LONP2: variants seen among roughly 807,000 people sequenced by gnomAD.
LONP2 encodes lon protease homolog 2, peroxisomal.
In LONP2, 60 loss-of-function variants were observed where a neutral mutation model predicts 85.6. The observed-to-expected ratio is 0.70, with a 90% CI of 0.57 to 0.87. The LOEUF is 0.87. Among genes scored for constraint, LONP2 ranks in the 40% least tolerant of loss-of-function variants. LONP2 has a pLI of 0.00. For missense variants in LONP2, 860 were observed against 1,063.5 expected (o/e 0.81, Z 2.66); for synonymous variants, 395 against 389.7 (o/e 1.01, Z -0.16).
rs755388188 is a variant in LONP2 at position 48,277,523 on chromosome 16, T to C, written c.1383+44T>C. 8 of 1,588,558 alleles carry C rather than the reference T, an allele frequency of 5.0e-6. No individual in the cohort carries two copies. The African/African-American group carries it at 8.1e-5, about 16-fold the overall frequency. On this transcript the variant is annotated intron_variant, in intron 8 of 14. Transcript: ENST00000285737. ...CCTGTCTGTCTTCATACTGGAAGAG[T>C]ATGGAGGAGGGTTGATAATCATATT...
intron 6 of LONP2, among the ~76,000 whole-genome samples, chr16:48,267,661 G>A (rs948975078): frequency 2.0e-5 from 3 of 150,842 alleles, no homozygotes; most frequent in African/African-American, 7.3e-5. Context: ...TGTCGGCCAG[G>A]CTGTAGTGCA....
In LONP2 at chr16:48,354,256, GCACTGCAGTGGCATGATCTCGGCT is replaced by G. The variant is rs1216434683; in HGVS notation, c.*2462_*2485del. 1.7e-5 allele frequency: 2 copies of G among 119,984 alleles called. No individual in the cohort carries two copies. The highest frequency in any genetic ancestry group is 3.2e-5 in the Non-Finnish European group (2 of 63,172). The allele number at this position is 119,984 out of a possible 1,614,324, so 7.4% of individuals were successfully genotyped here. Reference sequence around the variant, plus strand: ...GGAGTCTTGCTCTGTTACCCAGGCTGCACTGCAGTGGCATGATCTCGGCTCACTGCAACCTCTGCCTCCCCAGTT... The same window carrying G: ...GGAGTCTTGCTCTGTTACCCAGGCTGCACTGCAACCTCTGCCTCCCCAGTT... On this transcript the variant is annotated 3_prime_UTR_variant, in exon 15 of 15. Transcript: ENST00000285737.
At chr16:48,296,304 A>C in intron 9 of LONP2, 139 bp downstream of exon 9, 2 of 922,070 alleles carry the variant, frequency 2.2e-6, no homozygotes, top group Non-Finnish European at 3.2e-6. Context: ...ATGTATATAA[A>C]TCAGTTTCTA....
intron 11 of LONP2, among the ~76,000 whole-genome samples, chr16:48,328,406 G>A (rs748890915): frequency 1.3e-5 from 2 of 149,192 alleles, no homozygotes; most frequent in South Asian, 2.2e-4. Context: ...TGGGCCGGGC[G>A]CAGTGGCTCA....
intron 12 of LONP2, among the ~76,000 whole-genome samples, chr16:48,338,867 C>T (rs902885543): frequency 2.0e-5 from 3 of 152,098 alleles, no homozygotes; most frequent in African/African-American, 7.2e-5. Context: ...AAGATCACGC[C>T]ACTGCATTCC....
chr16:48,259,700 G>A (rs1971836127), intron 4 of LONP2, among the ~76,000 whole-genome samples: 1 of 152,222 alleles, frequency 6.6e-6, no homozygotes, highest in East Asian at 1.9e-4. Context: ...CAAGTAGGCT[G>A]AGGAGAGAGA....
chr16:48,250,605 C>T (rs1473948252), intron 1 of LONP2, among the ~76,000 whole-genome samples: 1 of 152,188 alleles, frequency 6.6e-6, no homozygotes, highest in Non-Finnish European at 1.5e-5. Flanking sequence ...CTTTCTGGTT[C>T]CTCCTTGGTT....
chr16:48,321,027 G>A (rs752630578), intron 11 of LONP2, among the ~76,000 whole-genome samples: 17 of 152,072 alleles, frequency 1.1e-4, no homozygotes, highest in African/African-American at 1.9e-4. Flanking sequence ...TCCACCTCAC[G>A]GGCTTAAGCT....
downstream of LONP2, among the ~76,000 whole-genome samples, chr16:48,358,924 G>T (rs1960472557): frequency 6.6e-6 from 1 of 152,130 alleles, no homozygotes; most frequent in African/African-American, 2.4e-5. Flanking sequence ...AAGTCTACAT[G>T]AACTTTATAA....
At chr16:48,246,944 C>T (rs1971420299) in intron 1 of LONP2, among the ~76,000 whole-genome samples, 1 of 87,910 alleles carries the variant, frequency 1.1e-5, no homozygotes, top group Non-Finnish European at 2.2e-5. Context: ...AAAGTAATCA[C>T]TAATAATCAG....
chr16:48,266,256 C>T (rs527305101), intron 6 of LONP2, among the ~76,000 whole-genome samples: 32 of 151,902 alleles, frequency 2.1e-4, no homozygotes, highest in Admixed American at 3.9e-4. Context: ...CCACCTGCCT[C>T]GGCCTCCCAA....
chr16:48,278,027 GT>G (rs1241708426), intron 8 of LONP2, among the ~76,000 whole-genome samples: 1 of 146,280 alleles, frequency 6.8e-6, no homozygotes, highest in African/African-American at 2.7e-5. Context: ...TTTTTTTCTT[GT>G]TTTTTTGTTG....
rs932181688 is a variant in LONP2 at position 48,355,566 on chromosome 16, T to C, written c.*3764T>C. 4 of 152,190 alleles carry C rather than the reference T, an allele frequency of 2.6e-5. No homozygotes were observed. Among genetic ancestry groups the C allele is most frequent in the Non-Finnish European group, 5.9e-5 (4 of 68,034 alleles). 9.4% of individuals were successfully genotyped at this position (152,190 alleles called of 1,614,324 possible). ...GACTAAGACAACAGGATAATTCTGT[T>C]TAACTTTTTGAGAACTGCCAAACTT... On this transcript the variant is annotated 3_prime_UTR_variant, in exon 15 of 15. Coordinates refer to ENST00000285737, the MANE Select transcript of LONP2 (RefSeq NM_031490.5).
At chr16:48,246,471 T>C (rs940304376) in intron 1 of LONP2, among the ~76,000 whole-genome samples, 1 of 152,252 alleles carries the variant, frequency 6.6e-6, no homozygotes, top group East Asian at 1.9e-4. Context: ...TGATTAGCCA[T>C]GGGCACATTG....
chr16:48,271,796 G>A (rs1972111809), intron 7 of LONP2, among the ~76,000 whole-genome samples: 1 of 152,180 alleles, frequency 6.6e-6, no homozygotes, highest in South Asian at 2.1e-4. Flanking sequence ...GCAGATCAGA[G>A]TAGAGAATTG....
chr16:48,282,140 G>T (rs956395294), intron 8 of LONP2, among the ~76,000 whole-genome samples: 1 of 152,086 alleles, frequency 6.6e-6, no homozygotes, highest in African/African-American at 2.4e-5. Flanking sequence ...CAGGCACAGT[G>T]GCTCACGCCT....
intron 12 of LONP2, among the ~76,000 whole-genome samples, chr16:48,341,050 C>T (rs1036597170): frequency 6.6e-6 from 1 of 152,154 alleles, no homozygotes. Context: ...ACCTGTAATC[C>T]CAGCACTTTG....
intron 14 of LONP2, among the ~76,000 whole-genome samples, 165 bp downstream of exon 14, chr16:48,348,455 TAAAAG>T (rs1191607782): frequency 2.0e-5 from 3 of 149,646 alleles, no homozygotes; most frequent in South Asian, 2.1e-4. Context: ...TTTGATCAAA[TAAAAG>T]AAAAACTGAC....
Position 48,296,055 on chromosome 16 carries a change from A to T in LONP2, c.1424A>T (p.Tyr475Phe), listed in dbSNP as rs764602369. The T allele has an allele frequency of 1.9e-6, 3 of 1,614,038 alleles. No individual in the cohort carries two copies. Among genetic ancestry groups the T allele is most frequent in the African/African-American group, 2.7e-5 (2 of 74,926 alleles). ...CAAAACCATAACTTCACAGATCATT[A>T]TCTAAATGTGGCCTTTGACCTTTCT... ...PEQNHNFTDH[Y>F]LNVAFDLSQV... is the part of the protein sequence containing the mutation. Residue 475 changes from tyrosine to phenylalanine, a missense_variant, in exon 9 of 15, where the codon TAT becomes TTT. Physicochemically the swap from Tyr to Phe is conservative, Grantham distance 22 (BLOSUM62 3). Coordinates refer to ENST00000285737, the MANE Select transcript of LONP2 (RefSeq NM_031490.5).
Sources: gnomAD v4.1 joint callset for allele counts (sites outside exome capture counted in the v4.1 genomes callset) on GRCh38, gnomAD v4.1.1 for gene constraint, MANE v1.5 for transcripts, NCBI Gene and HGNC (gene_info 2026-07-23, HGNC 2026-07-21) for gene names.